The following PTPN5 variants were observed in gnomAD, a reference collection of about 807,000 sequenced individuals.
PTPN5 encodes protein tyrosine phosphatase non-receptor type 5, also known as tyrosine-protein phosphatase non-receptor type 5.
PTPN5 carries 29 observed loss-of-function variants against 73.9 expected under a neutral mutation model. That is an observed-to-expected ratio of 0.39 (90% CI 0.29 to 0.54). The LOEUF is 0.54. Among genes scored for constraint, PTPN5 ranks in the 20% least tolerant of loss-of-function variants. The probability of loss-of-function intolerance (pLI) is 0.65; values close to 1 mark genes in which losing one functional copy is unlikely to be tolerated. For synonymous variants in PTPN5, 267 were observed against 304.7 expected, an observed-to-expected ratio of 0.88 and a Z score of 1.29; for missense variants, 652 against 751.4, an observed-to-expected ratio of 0.87 and a Z score of 1.55.
rs1474973412 is a variant in PTPN5, at chr11:18,729,515, C to G, written c.1542G>C (p.Gln514His). Residue 514 changes from glutamine (Q) to histidine (H), a missense_variant, in exon 14 of 15, where the codon CAG becomes CAC. By Grantham distance (24) the Gln-to-His change is conservative. Around this residue, in one of 3 missense-constraint regions of PTPN5, gnomAD observed 102 missense variants for 160.5 expected, o/e 0.64. Coordinates refer to ENST00000358540, the MANE Select transcript of PTPN5 (RefSeq NM_006906.2). The surrounding 1 kb of genome is among the most constrained non-coding windows in gnomAD (Gnocchi z 5.2). Reference sequence around the variant, plus strand: ...CCACCACACCCTCCTGCCGCAGCTGCTGGCAGCAGATGCTGGTGGCAATGA... The same window carrying G: ...CCACCACACCCTCCTGCCGCAGCTGGTGGCAGCAGATGCTGGTGGCAATGA... Reference protein sequence around the residue: ...GCFIATSICCQQLRQEGVVDI... With the variant: ...GCFIATSICCHQLRQEGVVDI... 1 of 1,603,148 alleles carries G rather than the reference C, an allele frequency of 6.2e-7. No individual in the cohort carries two copies. Among genetic ancestry groups the G allele is most frequent in the Non-Finnish European group, 8.5e-7 (1 of 1,176,804 alleles).
At chr11:18,756,157 A>T (rs1850124196) in intron 3 of PTPN5, among the ~76,000 whole-genome samples, 2 of 152,092 alleles carry the variant, frequency 1.3e-5, no homozygotes, top group African/African-American at 4.8e-5. Context: ...AATGGTGTGC[A>T]ATGGGAAATT....
chr11:18,766,173 C>T (rs114851621), intron 2 of PTPN5, among the ~76,000 whole-genome samples: 8 of 152,312 alleles, frequency 5.3e-5, no homozygotes, highest in African/African-American at 9.6e-5. Context: ...ATTTACTATA[C>T]GCAAGCACTT....
Position 18,781,792 on chromosome 11 carries a change from G to A in PTPN5, c.-113-9721C>T, listed in dbSNP as rs144722922. ...AGTCCCTGCCCTCCACCCAGCATTC[G>A]GCCTAGTGAGTTGAGTGAGAAATGC... is the stretch of plus-strand genomic sequence containing the variant. On this transcript the variant is annotated intron_variant, in intron 1 of 14. Transcript: ENST00000358540. Among the ~76,000 whole-genome samples the A allele has an allele frequency of 1.1e-3, 170 of 152,206 alleles. 2 individuals carry two copies. Among genetic ancestry groups the A allele is most frequent in the African/African-American group, 3.7e-3 (153 of 41,504 alleles).
Position 18,742,868 on chromosome 11 carries a change from G to C in PTPN5, c.483+124C>G. 1.4e-6 allele frequency: 1 copy of C among 729,728 alleles called. No individual in the cohort carries two copies. The highest frequency in any genetic ancestry group is 2.3e-6 in the Non-Finnish European group (1 of 431,186). 45.2% of individuals were successfully genotyped at this position (729,728 alleles called of 1,614,324 possible). Reference sequence around the variant, plus strand: ...CCAGGCTGGCACACTTGTGCAAAGAGATAGGTATCCCTCCTTGCCCCACCC... The same window carrying C: ...CCAGGCTGGCACACTTGTGCAAAGACATAGGTATCCCTCCTTGCCCCACCC... On this transcript the variant is annotated intron_variant, in intron 6 of 14. Transcript: ENST00000358540. The surrounding 1 kb of genome is among the most constrained non-coding windows in gnomAD (Gnocchi z 4.1).
chr11:18,770,834 A>C (rs911802156), intron 2 of PTPN5, among the ~76,000 whole-genome samples: 1 of 151,946 alleles, frequency 6.6e-6, no homozygotes, highest in Admixed American at 6.5e-5. Flanking sequence ...CACCCACCCC[A>C]TTTTCTAGAA....
chr11:18,765,770 T>C, intron 3 of PTPN5, 37 bp downstream of exon 3: 1 of 1,419,848 alleles, frequency 7.0e-7, no homozygotes. Context: ...CTCTCCATTC[T>C]GAGGTCTGGG....
chr11:18,749,329 C>A, intron 3 of PTPN5: 2 of 515,790 alleles, frequency 3.9e-6, no homozygotes. Context: ...AAAATCAAGG[C>A]TTAGAGAGGT....
intron 3 of PTPN5, among the ~76,000 whole-genome samples, chr11:18,755,893 A>G (rs1419691088): frequency 6.6e-6 from 1 of 150,408 alleles, no homozygotes; most frequent in Non-Finnish European, 1.5e-5. Context: ...AATCCCAGTT[A>G]CTTGGAAGGC....
rs1849189660 is a variant in PTPN5 at position 18,737,955 on chromosome 11, T to C, written c.925A>G (p.Met309Val). The C allele has an allele frequency of 6.2e-7, 1 of 1,613,988 alleles. No homozygotes were observed. Among genetic ancestry groups the C allele is most frequent in the African/African-American group, 1.3e-5 (1 of 74,920 alleles). ...LLQAEFFEIP[M>V]NFVDPKEYDI... ...TACTCTTTCGGATCCACAAAGTTCA[T>C]GGGGATTTCCTGTGGAAGGAGGACA... Residue 309 changes from methionine (M) to valine (V), a missense_variant, in exon 9 of 15, where the codon ATG becomes GTG. By Grantham distance (21) the Met-to-Val change is conservative. Around this residue, in one of 3 missense-constraint regions of PTPN5, gnomAD observed 529 missense variants for 573.9 expected, o/e 0.92. Transcript: ENST00000358540.
intron 3 of PTPN5, among the ~76,000 whole-genome samples, chr11:18,758,976 C>G (rs1046026574): frequency 6.6e-6 from 1 of 152,098 alleles, no homozygotes; most frequent in African/African-American, 2.4e-5. Flanking sequence ...ATTCTCCCCA[C>G]CAACCCTGGC....
chr11:18,736,873 G>A (rs1254268663), intron 9 of PTPN5, among the ~76,000 whole-genome samples: 1 of 152,180 alleles, frequency 6.6e-6, no homozygotes, highest in African/African-American at 2.4e-5. Context: ...GCTGGGATCG[G>A]GGAGGGCAAG....
intron 3 of PTPN5, among the ~76,000 whole-genome samples, chr11:18,745,850 G>C (rs902183697): frequency 1.3e-5 from 2 of 152,050 alleles, no homozygotes; most frequent in Non-Finnish European, 2.9e-5. Context: ...TGCTTAGCTG[G>C]TAAGGGTAGA....
At chr11:18,790,709 GT>G (rs1832839675) in intron 1 of PTPN5, among the ~76,000 whole-genome samples, 1 of 152,138 alleles carries the variant, frequency 6.6e-6, no homozygotes, top group African/African-American at 2.4e-5. Context: ...GAATTTTGGG[GT>G]TCTGGGGCTT....
chr11:18,761,585 C>A (rs895926388), intron 3 of PTPN5, among the ~76,000 whole-genome samples: 1 of 152,064 alleles, frequency 6.6e-6, no homozygotes, highest in African/African-American at 2.4e-5. Flanking sequence ...CACATGTGCA[C>A]AGGGGTGGGG....
chr11:18,742,616 TCTGCTCTCCTG>T lies in PTPN5; in HGVS notation c.484-124_484-114del. On this transcript the variant is annotated intron_variant, in intron 6 of 14. Transcript: ENST00000358540. The surrounding 1 kb of genome is among the most constrained non-coding windows in gnomAD (Gnocchi z 4.1). ...ACTCCCTCAGTGTGTCTAGAGCAGCTCTGCTCTCCTGGGAGTTGTCCACAAGGCACTGCCCC... is the reference window on the plus strand; with the variant it reads ...ACTCCCTCAGTGTGTCTAGAGCAGCTGGAGTTGTCCACAAGGCACTGCCCC... 1 of 1,442,086 alleles carries T rather than the reference TCTGCTCTCCTG, an allele frequency of 6.9e-7. No homozygotes were observed. The highest frequency in any genetic ancestry group is 9.3e-7 in the Non-Finnish European group (1 of 1,074,960). 89.3% of individuals were successfully genotyped at this position (1,442,086 alleles called of 1,614,324 possible).
intron 3 of PTPN5, among the ~76,000 whole-genome samples, chr11:18,758,675 GTTT>G (rs59126462): frequency 0.32 from 47,480 of 150,572 alleles, 8,891 homozygotes; most frequent in Admixed American, 0.47. Context: ...GGAAGGATGA[GTTT>G]TTTTTTTTTT....
In PTPN5 at chr11:18,733,581, G is replaced by A; in HGVS notation, c.1055C>T (p.Ser352Phe). 1 of 1,614,226 alleles carries A rather than the reference G, an allele frequency of 6.2e-7. No homozygotes were observed. Among genetic ancestry groups the A allele is most frequent in the Non-Finnish European group, 8.5e-7 (1 of 1,180,042 alleles). ...TSPDPDDPLS[S>F]YINANYIRGY... Reference sequence around the variant, plus strand: ...CCGGATGTAGTTGGCATTGATGTAGGAACTCAGAGGGTCGTCAGGGTCTGG... The same window carrying A: ...CCGGATGTAGTTGGCATTGATGTAGAAACTCAGAGGGTCGTCAGGGTCTGG... Residue 352 changes from serine (S) to phenylalanine (F), a missense_variant, in exon 10 of 15, where the codon TCC (serine) becomes TTC (phenylalanine). Transcript: ENST00000358540. The surrounding 1 kb of genome is among the most constrained non-coding windows in gnomAD (Gnocchi z 4.3).
intron 1 of PTPN5, among the ~76,000 whole-genome samples, chr11:18,779,361 A>G (rs1168103061): frequency 7.0e-6 from 1 of 143,374 alleles, no homozygotes; most frequent in African/African-American, 2.7e-5. Flanking sequence ...TTGCAAGGAA[A>G]AAAAAAAAAA....
intron 7 of PTPN5, 111 bp from the exon 8 acceptor site, chr11:18,740,903 T>G (rs1849336364): frequency 1.6e-6 from 1 of 609,882 alleles, no homozygotes; most frequent in Non-Finnish European, 2.6e-6. Flanking sequence ...GGGAACAGGG[T>G]GGGGTTGAGG....
Sources: gnomAD v4.1 joint callset for allele counts (sites outside exome capture counted in the v4.1 genomes callset) on GRCh38, gnomAD v4.1.1 for gene constraint, gnomAD v4.1.1 regional missense constraint, Gnocchi (gnomAD v3.1) non-coding constraint, MANE v1.5 for transcripts, NCBI Gene and HGNC (gene_info 2026-07-23, HGNC 2026-07-21) for gene names.